The following DPP10 variants were observed in gnomAD, a reference collection of about 807,000 sequenced individuals.
DPP10 encodes dipeptidyl peptidase like 10.
DPP10 carries 33 observed loss-of-function variants against 120.9 expected under a neutral mutation model. The observed-to-expected ratio is 0.27, with a 90% CI of 0.21 to 0.37. The LOEUF is 0.37. Among genes scored for constraint, DPP10 ranks in the 10% least tolerant of loss-of-function variants. The pLI, the probability that DPP10 is intolerant of heterozygous loss-of-function variation, is 1.00. For missense variants in DPP10, 816 were observed against 942.8 expected (o/e 0.87, Z 1.76); for synonymous variants, 337 against 326.1 (o/e 1.03, Z -0.36).
At chr2:114,680,941 T>G (rs562878807) in intron 1 of DPP10, among the ~76,000 whole-genome samples, 55 of 152,116 alleles carry the variant, frequency 3.6e-4, no homozygotes, top group African/African-American at 1.3e-3. Flanking sequence ...ATGTACCTAT[T>G]CCATGTTTTC....
chr2:115,195,703 G>C (rs1335600422), intron 1 of DPP10, among the ~76,000 whole-genome samples: 1 of 152,178 alleles, frequency 6.6e-6, no homozygotes, highest in Non-Finnish European at 1.5e-5. Context: ...GGTAAAGGTT[G>C]TTCCGTGCCT....
At chr2:115,036,232 T>C (rs1704218814) in intron 1 of DPP10, among the ~76,000 whole-genome samples, 1 of 152,166 alleles carries the variant, frequency 6.6e-6, no homozygotes, top group Admixed American at 6.5e-5. Flanking sequence ...ACTCACTCAC[T>C]ATCACGAGGA....
At chr2:115,764,828 G>A (rs890877876) in intron 12 of DPP10, among the ~76,000 whole-genome samples, 1 of 151,964 alleles carries the variant, frequency 6.6e-6, no homozygotes, top group African/African-American at 2.4e-5. Context: ...GTATGAGCAT[G>A]GTAGCAGTAA....
chr2:114,533,515 G>A (rs1686217780), intron 1 of DPP10, among the ~76,000 whole-genome samples: 1 of 151,900 alleles, frequency 6.6e-6, no homozygotes, highest in South Asian at 2.1e-4. Context: ...GTGCCTGGTG[G>A]GCTTAATACC....
At chr2:114,925,329 CAAACTTT>C (rs1695542963) in intron 1 of DPP10, among the ~76,000 whole-genome samples, 1 of 151,924 alleles carries the variant, frequency 6.6e-6, no homozygotes, top group Non-Finnish European at 1.5e-5. Flanking sequence ...GGTCAGGAAC[CAAACTTT>C]AAACTTTAAA....
intron 1 of DPP10, among the ~76,000 whole-genome samples, chr2:114,481,818 A>C (rs1268501653): frequency 6.6e-6 from 1 of 151,916 alleles, no homozygotes; most frequent in Non-Finnish European, 1.5e-5. Flanking sequence ...GACCCCTGGA[A>C]ACTTATAATC....
chr2:114,537,919 A>T (rs1686643269), intron 1 of DPP10, among the ~76,000 whole-genome samples: 2 of 152,202 alleles, frequency 1.3e-5, no homozygotes, highest in Non-Finnish European at 2.9e-5. Context: ...CTTACTTGGA[A>T]GTCTGGATCA....
At chr2:115,050,690 C>G (rs1037100105) in intron 1 of DPP10, among the ~76,000 whole-genome samples, 12 of 152,140 alleles carry the variant, frequency 7.9e-5, no homozygotes, top group Non-Finnish European at 1.6e-4. Context: ...CAGTGCAAAT[C>G]CTCAGGAAAA....
In DPP10 at chr2:114,743,677, A is replaced by G. The variant is rs575066886; in HGVS notation, c.60+300839A>G. ...TCTCTTTGTGACTGTTTTCTCACCT[A>G]TAAAATAAAGATTGTATAATGAACT... On this transcript the variant is annotated intron_variant, in intron 1 of 25. Transcript: ENST00000410059. 2.2e-4 allele frequency among the ~76,000 whole-genome samples: 33 copies of G among 152,312 alleles called. 1 individual carries two copies. The Middle Eastern group carries it at 0.017, about 78-fold the overall frequency.
At chr2:114,592,096 A>G (rs1252635293) in intron 1 of DPP10, among the ~76,000 whole-genome samples, 1 of 152,326 alleles carries the variant, frequency 6.6e-6, no homozygotes, top group Middle Eastern at 3.4e-3. Flanking sequence ...TGTAGCTCAA[A>G]CATATGCTGA....
chr2:115,560,784 C>T (rs1417184025), intron 5 of DPP10, among the ~76,000 whole-genome samples: 3 of 151,934 alleles, frequency 2.0e-5, no homozygotes, highest in Non-Finnish European at 4.4e-5. Flanking sequence ...TAATATTAAA[C>T]TCATCTTACT....
intron 3 of DPP10, among the ~76,000 whole-genome samples, chr2:115,382,010 G>T (rs1167019298): frequency 6.6e-6 from 1 of 152,160 alleles, no homozygotes; most frequent in African/African-American, 2.4e-5. Context: ...CTTTTTGTTT[G>T]TCTGTGCCCT....
intron 1 of DPP10, among the ~76,000 whole-genome samples, chr2:114,640,683 A>C (rs1695641890): frequency 6.6e-6 from 1 of 151,790 alleles, no homozygotes; most frequent in South Asian, 2.1e-4. Flanking sequence ...TGGTAGCCCC[A>C]GCTTTGATTG....
intron 3 of DPP10, among the ~76,000 whole-genome samples, chr2:115,369,100 G>C (rs1346475765): frequency 6.6e-6 from 1 of 151,942 alleles, no homozygotes; most frequent in African/African-American, 2.4e-5. Flanking sequence ...TTGCATGCCG[G>C]ATGCTAATCT....
chr2:115,762,726 A>G lies in DPP10; in HGVS notation c.1113+116A>G, dbSNP rs758504381. On this transcript the variant is annotated intron_variant, in intron 12 of 25. Coordinates refer to ENST00000410059, the MANE Select transcript of DPP10 (RefSeq NM_020868.6). The stretch of plus-strand genomic sequence containing the variant: ...TTTAAGGCTTTGCTAGGTTTGACAG[A>G]GTGATCCTTTTTCATTAAAAGGATC... The G allele has an allele frequency of 2.9e-5, 34 of 1,176,996 alleles. No individual in the cohort carries two copies. In the Admixed American group the frequency reaches 5.6e-4, roughly 19 times the overall value. 72.9% of individuals were successfully genotyped at this position (1,176,996 alleles called of 1,614,324 possible). A position where few individuals can be genotyped will look rare whatever the true frequency, so the allele number is the denominator to read the frequency against.
Position 115,410,847 on chromosome 2 carries a change from A to G in DPP10, c.271+66935A>G, listed in dbSNP as rs1222829446. Among the ~76,000 whole-genome samples the G allele has an allele frequency of 3.3e-5, 5 of 152,212 alleles. No individual in the cohort carries two copies. The East Asian group carries it at 9.6e-4, about 29-fold the overall frequency. ...ATAATTAAAATCACATAATTCTTAT[A>G]GTAATTTAAACATCATTTTAATAGT... On this transcript the variant is annotated intron_variant, in intron 3 of 25. Coordinates refer to ENST00000410059, the MANE Select transcript of DPP10 (RefSeq NM_020868.6).
chr2:115,796,381 C>T lies in DPP10; in HGVS notation c.1700+5025C>T, dbSNP rs149310594. On this transcript the variant is annotated intron_variant, in intron 19 of 25. Coordinates refer to ENST00000410059, the MANE Select transcript of DPP10 (RefSeq NM_020868.6). ...GCCAATTCCTTTTGAATAGTTTTGCCATACCGCACTAACTGGAGCATTATT... is the reference window on the plus strand; with the variant it reads ...GCCAATTCCTTTTGAATAGTTTTGCTATACCGCACTAACTGGAGCATTATT... Among the ~76,000 whole-genome samples the T allele has an allele frequency of 4.1e-3, 627 of 152,216 alleles. 8 individuals are homozygous for T. The highest frequency in any genetic ancestry group is 0.014 in the African/African-American group (592 of 41,534).
At chr2:114,927,489 C>T (rs748923921) in intron 1 of DPP10, among the ~76,000 whole-genome samples, 2 of 152,158 alleles carry the variant, frequency 1.3e-5, no homozygotes, top group African/African-American at 2.4e-5. Context: ...CCTCCCTCCC[C>T]ACCCTGAGGG....
At chr2:115,303,831 G>A (rs912152131) in intron 1 of DPP10, among the ~76,000 whole-genome samples, 1 of 151,794 alleles carries the variant, frequency 6.6e-6, no homozygotes, top group South Asian at 2.1e-4. Context: ...ATTATTTAAG[G>A]AAATTTAAAT....
Sources: allele counts gnomAD v4.1 joint callset (sites outside exome capture counted in the v4.1 genomes callset), GRCh38; gene constraint gnomAD v4.1.1; transcripts MANE v1.5; gene names NCBI Gene and HGNC (gene_info 2026-07-23, HGNC 2026-07-21).